Variants in VWC2L observed in about 807,000 individuals in gnomAD.
VWC2L encodes the protein von Willebrand factor C domain-containing protein 2-like.
Under a neutral mutation model 21.6 loss-of-function variants are expected in VWC2L, and 10 were observed. The ratio of observed to expected loss-of-function variants is 0.46; its 90% confidence interval spans 0.29 to 0.78. VWC2L has a LOEUF of 0.78. Among genes scored for constraint, VWC2L ranks in the 30% least tolerant of loss-of-function variants. VWC2L has a pLI of 0.10. For synonymous variants in VWC2L, 96 were observed against 94.3 expected (o/e 1.02, Z -0.10); for missense variants, 209 against 277.1 (o/e 0.75, Z 1.74).
chr2:214,541,285 A>G (rs1205269620), intron 3 of VWC2L, among the ~76,000 whole-genome samples: 1 of 93,384 alleles, frequency 1.1e-5, no homozygotes, highest in African/African-American at 3.1e-5. Context: ...ACCCAAATGG[A>G]AAAAAAAAAA....
intron 3 of VWC2L, 72 bp downstream of exon 3, chr2:214,436,830 T>C: frequency 6.4e-7 from 1 of 1,569,336 alleles, no homozygotes; most frequent in Admixed American, 1.7e-5. Flanking sequence ...CTGCATACCA[T>C]TCAATGCAAG....
chr2:214,512,042 C>A (rs1288510137), intron 3 of VWC2L, among the ~76,000 whole-genome samples: 2 of 151,788 alleles, frequency 1.3e-5, no homozygotes, highest in Non-Finnish European at 2.9e-5. Context: ...TACAAGCCAT[C>A]CCTCTCTCAC....
At chr2:214,526,467 C>G (rs1259303434) in intron 3 of VWC2L, among the ~76,000 whole-genome samples, 1 of 152,174 alleles carries the variant, frequency 6.6e-6, no homozygotes, top group African/African-American at 2.4e-5. Context: ...GACACAATTA[C>G]AACCTGAGGT....
intron 2 of VWC2L, among the ~76,000 whole-genome samples, chr2:214,424,077 A>C (rs1702481711): frequency 6.6e-6 from 1 of 152,158 alleles, no homozygotes; most frequent in African/African-American, 2.4e-5. Context: ...GACTGTTGCA[A>C]AAATTCAGAT....
chr2:214,479,011 T>C (rs559329657), intron 3 of VWC2L, among the ~76,000 whole-genome samples: 1 of 152,266 alleles, frequency 6.6e-6, no homozygotes, highest in South Asian at 2.1e-4. Flanking sequence ...ACATGAGGGT[T>C]CAGGCAGAAC....
intron 3 of VWC2L, among the ~76,000 whole-genome samples, chr2:214,482,901 C>T (rs550071763): frequency 1.1e-4 from 17 of 152,156 alleles, no homozygotes; most frequent in South Asian, 6.2e-4. Flanking sequence ...TTCGAGGGGG[C>T]GGGGCAGAAG....
At chr2:214,504,094 C>T (rs557783062) in intron 3 of VWC2L, among the ~76,000 whole-genome samples, 321 of 152,266 alleles carry the variant, frequency 2.1e-3, no homozygotes, top group Middle Eastern at 3.4e-3. Context: ...TGTACAAATA[C>T]GACCAGTTGG....
At chr2:214,459,409 TATTA>T (rs1223321564) in intron 3 of VWC2L, among the ~76,000 whole-genome samples, 1 of 152,224 alleles carries the variant, frequency 6.6e-6, no homozygotes, top group African/African-American at 2.4e-5. Flanking sequence ...TCAAAGTGGT[TATTA>T]TTTATTTTGT....
intron 3 of VWC2L, among the ~76,000 whole-genome samples, chr2:214,490,438 C>T (rs1688730390): frequency 6.6e-6 from 1 of 151,864 alleles, no homozygotes; most frequent in African/African-American, 2.4e-5. Flanking sequence ...GTCACAGGAG[C>T]TTAGCTGCTC....
intron 3 of VWC2L, among the ~76,000 whole-genome samples, chr2:214,472,486 C>T (rs1189924453): frequency 1.3e-5 from 2 of 152,152 alleles, no homozygotes. Context: ...GTGACAAATA[C>T]ATAATGGATC....
chr2:214,420,145 G>T (rs1702418246), intron 2 of VWC2L, among the ~76,000 whole-genome samples: 1 of 152,148 alleles, frequency 6.6e-6, no homozygotes, highest in Non-Finnish European at 1.5e-5. Context: ...TTTGGATTTA[G>T]AATTGATTTG....
chr2:214,540,229 TA>T (rs1277847891), intron 3 of VWC2L, among the ~76,000 whole-genome samples: 1 of 152,194 alleles, frequency 6.6e-6, no homozygotes, highest in Admixed American at 6.6e-5. Flanking sequence ...ATTGCACCAT[TA>T]AAAATATTTA....
chr2:214,561,809 T>TATATATATATATATATACAC (rs1489588765), intron 3 of VWC2L, among the ~76,000 whole-genome samples: 21 of 127,240 alleles, frequency 1.7e-4, no homozygotes, highest in East Asian at 6.4e-4. Flanking sequence ...TATATATATA[T>TATATATATATATATATACAC]ACACACACAT....
intron 2 of VWC2L, among the ~76,000 whole-genome samples, chr2:214,434,478 G>A (rs911075899): frequency 2.0e-5 from 3 of 152,096 alleles, no homozygotes; most frequent in Admixed American, 6.6e-5. Flanking sequence ...TTCTTAGCAG[G>A]AGCATCAGTA....
chr2:214,505,801 T>C (rs1272278018), intron 3 of VWC2L, among the ~76,000 whole-genome samples: 1 of 152,072 alleles, frequency 6.6e-6, no homozygotes, highest in Non-Finnish European at 1.5e-5. Context: ...AAAGGACAGA[T>C]AAAGGTATAA....
chr2:214,442,636 T>C (rs1402501665), intron 3 of VWC2L, among the ~76,000 whole-genome samples: 1 of 151,908 alleles, frequency 6.6e-6, no homozygotes, highest in Non-Finnish European at 1.5e-5. Context: ...TTAAATAATT[T>C]TTACAAATCT....
At chr2:214,503,524 T>C (rs1364563240) in intron 3 of VWC2L, among the ~76,000 whole-genome samples, 1 of 152,034 alleles carries the variant, frequency 6.6e-6, no homozygotes, top group African/African-American at 2.4e-5. Flanking sequence ...TGGCCAAAAA[T>C]TTATTAGGCT....
intron 3 of VWC2L, among the ~76,000 whole-genome samples, chr2:214,454,607 T>TTTC (rs1211521461): frequency 2.3e-5 from 3 of 132,772 alleles, no homozygotes; most frequent in African/African-American, 8.6e-5. Flanking sequence ...TCTTTTTTTT[T>TTTC]TTTTTTTTTT....
At chr2:214,531,367 T>G (rs1383494975) in intron 3 of VWC2L, among the ~76,000 whole-genome samples, 1 of 152,178 alleles carries the variant, frequency 6.6e-6, no homozygotes, top group South Asian at 2.1e-4. Context: ...AACAAATGCT[T>G]TTTAGATGAA....
Sources: gnomAD v4.1 joint callset for allele counts (sites outside exome capture counted in the v4.1 genomes callset) on GRCh38, gnomAD v4.1.1 for gene constraint, MANE v1.5 for transcripts, NCBI Gene and HGNC (gene_info 2026-07-23, HGNC 2026-07-21) for gene names.